Variants in USP6 observed in about 807,000 individuals in gnomAD.
USP6 encodes the protein ubiquitin specific peptidase 6.
In USP6, 128 loss-of-function variants were observed where a neutral mutation model predicts 175.7. That is an observed-to-expected ratio of 0.73 (90% CI 0.63 to 0.84). USP6 has a LOEUF of 0.84. Among genes scored for constraint, USP6 ranks in the 40% least tolerant of loss-of-function variants. The pLI, the probability that USP6 is intolerant of heterozygous loss-of-function variation, is 0.00. For synonymous variants in USP6, 562 were observed against 630.6 expected (o/e 0.89, Z 1.63); for missense variants, 1,498 against 1,760.3 (o/e 0.85, Z 2.67).
At chr17:5,153,363 C>T (rs12603787) in intron 30 of USP6, among the ~76,000 whole-genome samples, 30,107 of 149,960 alleles carry the variant, frequency 0.2, 4,091 homozygotes, top group East Asian at 0.61. Flanking sequence ...CTCAACTCAC[C>T]GCAACCTCCG....
chr17:5,141,638 A>C, intron 23 of USP6, 139 bp downstream of exon 23: 1 of 745,710 alleles, frequency 1.3e-6, no homozygotes, highest in Middle Eastern at 4.0e-4. Flanking sequence ...TTCCTGAAGC[A>C]GCATTTGATG....
At chr17:5,133,404 C>T (rs751895204) in intron 13 of USP6, 39 bp from the exon 14 acceptor site, 1 of 1,576,162 alleles carries the variant, frequency 6.3e-7, no homozygotes, top group Non-Finnish European at 8.7e-7. Context: ...ACTGGGGTCA[C>T]CCCATGGCCT....
At chr17:5,157,272 G>T (rs1472215922) in intron 31 of USP6, among the ~76,000 whole-genome samples, 1 of 152,014 alleles carries the variant, frequency 6.6e-6, no homozygotes, top group Non-Finnish European at 1.5e-5. Flanking sequence ...TTTCAGTACA[G>T]GCAGGGTTTC....
intron 17 of USP6, 98 bp downstream of exon 17, chr17:5,136,026 G>T (rs1598011225): frequency 6.3e-7 from 1 of 1,575,582 alleles, no homozygotes; most frequent in East Asian, 2.3e-5. Flanking sequence ...CACTCCTTGT[G>T]TTGCCAGCTT....
Position 5,139,781 on chromosome 17 carries a change from G to T in USP6, c.1498+107G>T, listed in dbSNP as rs191919310. The T allele has an allele frequency of 4.1e-3, 6,572 of 1,595,452 alleles. 19 individuals carry two copies. Among genetic ancestry groups the T allele is most frequent in the Non-Finnish European group, 5.1e-3 (6,024 of 1,179,152 alleles). On this transcript the variant is annotated intron_variant, in intron 22 of 37. Transcript: ENST00000574788. ...CCGGGATACCTCCTTTGCAGCTAGG[G>T]ACGAGCAGCAGTGCGCTCCCACTTC...
At position 5,170,617 on chromosome 17, in the gene USP6, C is replaced by A; in HGVS notation, c.3656C>A (p.Ser1219Ter). The A allele has an allele frequency of 1.8e-5, 29 of 1,613,538 alleles. No homozygotes were observed. Among genetic ancestry groups the A allele is most frequent in the Non-Finnish European group, 2.4e-5 (28 of 1,179,876 alleles). The part of the protein sequence containing the change: ...LPQIGSKNKP[S>*]SSKKNLDASK... The stretch of plus-strand genomic sequence containing the variant: ...CAGATTGGCAGCAAAAATAAGCCGT[C>A]AAGTAGTAAGAAGAACTTGGATGCC... The change falls in exon 36 of 38, where the codon TCA becomes TAA. Residue 1219 changes from serine (S) to a stop codon, truncating the protein, a stop_gained. Coordinates refer to ENST00000574788, the MANE Select transcript of USP6 (RefSeq NM_001304284.2). LOFTEE classifies it high-confidence loss of function.
At chr17:5,137,463 A>C (rs7221061) in intron 19 of USP6, among the ~76,000 whole-genome samples, 188 bp from the exon 20 acceptor site, 134,958 of 152,238 alleles carry the variant, frequency 0.89, 59,910 homozygotes, top group Admixed American at 0.92. Context: ...GGAGCCACAT[A>C]CCCACTCAAA....
rs201913898 is a variant in USP6 at position 5,152,207 on chromosome 17, A to C, written c.2644-3215A>C. Among the ~76,000 whole-genome samples, 6 of 151,428 alleles carry C rather than the reference A, an allele frequency of 4.0e-5. No individual in the cohort carries two copies. The East Asian group carries it at 9.7e-4, about 25-fold the overall frequency. On this transcript the variant is annotated intron_variant, in intron 30 of 37. Coordinates refer to ENST00000574788, the MANE Select transcript of USP6 (RefSeq NM_001304284.2). ...CAGTGGGCTGAGATTACACCATTGC[A>C]TTCCAGCCTGGGCAACAGAGCGAGA... is the stretch of plus-strand genomic sequence containing the variant.
At chr17:5,137,258 G>A (rs2073285714) in intron 19 of USP6, 72 bp downstream of exon 19, 2 of 1,571,304 alleles carry the variant, frequency 1.3e-6, no homozygotes, top group Admixed American at 3.3e-5. Context: ...CCCAGCCCGG[G>A]GGTCTGGCTC....
rs1487430669 is a variant in USP6 at position 5,145,449 on chromosome 17, T to C, written c.2037T>C (p.Asp679=). The change falls in exon 27 of 38, where the codon GAT becomes GAC. Residue 679 remains aspartate, a synonymous_variant. Transcript: ENST00000574788. The part of the protein sequence containing the change: ...HLRRNRSIIV[D]LFHGQLRSQV... ...GAAGAAATAGATCAATTATTGTGGATTTGTTCCATGGGCAGCTAAGATCTC... is the reference window on the plus strand; with the variant it reads ...GAAGAAATAGATCAATTATTGTGGACTTGTTCCATGGGCAGCTAAGATCTC... 1.2e-6 allele frequency: 2 copies of C among 1,612,546 alleles called. No individual in the cohort carries two copies. The highest frequency in any genetic ancestry group is 1.7e-6 in the Non-Finnish European group (2 of 1,179,378).
intron 33 of USP6, 145 bp from the exon 34 acceptor site, chr17:5,167,787 A>G: frequency 9.9e-7 from 1 of 1,009,044 alleles, no homozygotes; most frequent in South Asian, 2.1e-5. Flanking sequence ...TACAGGCCTG[A>G]GCCATCATAC....
At chr17:5,167,494 C>G (rs1048330243) in intron 33 of USP6, among the ~76,000 whole-genome samples, 1 of 152,040 alleles carries the variant, frequency 6.6e-6, no homozygotes, top group African/African-American at 2.4e-5. Flanking sequence ...TTTGCTCGGA[C>G]TCTAGTTTGG....
At chr17:5,164,495 C>T (rs755839602) in intron 33 of USP6, among the ~76,000 whole-genome samples, 7 of 152,244 alleles carry the variant, frequency 4.6e-5, no homozygotes, top group African/African-American at 1.7e-4. Context: ...ATTATTCTGA[C>T]ATTACTGTCA....
chr17:5,135,712 C>G lies in USP6; in HGVS notation c.544-96C>G, dbSNP rs1372993195. On this transcript the variant is annotated intron_variant, in intron 16 of 37. Transcript: ENST00000574788. Reference sequence around the variant, plus strand: ...AAGCCTCTTCTTCAGAGGAAGCCTCCCCAGTCACCTCTGCCCTCTCCAATG... The same window carrying G: ...AAGCCTCTTCTTCAGAGGAAGCCTCGCCAGTCACCTCTGCCCTCTCCAATG... 12 of 1,593,936 alleles carry G rather than the reference C, an allele frequency of 7.5e-6. No individual in the cohort carries two copies. The Admixed American group carries it at 1.8e-4, about 25-fold the overall frequency.
At chr17:5,135,602 G>A (rs545795181) in intron 16 of USP6, among the ~76,000 whole-genome samples, 3 of 152,148 alleles carry the variant, frequency 2.0e-5, no homozygotes, top group South Asian at 2.1e-4. Context: ...CACGCAGGAC[G>A]GTGCTCTCAG....
chr17:5,144,858 G>T lies in USP6; in HGVS notation c.1987G>T (p.Ala663Ser), dbSNP rs1267258248. Reference protein sequence around the residue: ...SDGRPDWEVAAEAWDNHLRRN... With the variant: ...SDGRPDWEVASEAWDNHLRRN... ...TGGCCGACCAGACTGGGAAGTAGCT[G>T]CAGAGGTTTGTCAGTTTTGAGTTTC... Residue 663 changes from alanine (A) to serine (S), a missense_variant, in exon 26 of 38, where the codon GCA becomes TCA. By Grantham distance (99) the Ala-to-Ser change is moderately conservative. This residue lies in a region of USP6 where 1,217 missense variants were observed against 1,500.8 expected (regional missense o/e 0.81). Transcript: ENST00000574788. 1 of 1,593,576 alleles carries T rather than the reference G, an allele frequency of 6.3e-7. No individual in the cohort carries two copies. Among genetic ancestry groups the T allele is most frequent in the Admixed American group, 1.7e-5 (1 of 58,530 alleles).
chr17:5,122,767 C>T (rs1189774686), intron 4 of USP6, among the ~76,000 whole-genome samples: 1 of 152,248 alleles, frequency 6.6e-6, no homozygotes, highest in Non-Finnish European at 1.5e-5. Flanking sequence ...AAACTTCCCA[C>T]CTCTCAGGTC....
chr17:5,153,931 G>A (rs1435792980), intron 30 of USP6, among the ~76,000 whole-genome samples: 4 of 152,248 alleles, frequency 2.6e-5, no homozygotes, highest in Admixed American at 2.6e-4. Context: ...TGGGATTATA[G>A]GCATGAGCCA....
At chr17:5,160,337 C>G (rs948241763) in intron 31 of USP6, among the ~76,000 whole-genome samples, 1 of 152,126 alleles carries the variant, frequency 6.6e-6, no homozygotes, top group Non-Finnish European at 1.5e-5. Flanking sequence ...GCCAGATGAG[C>G]TGTAAAGTAT....
Sources: gnomAD v4.1 joint callset for allele counts (sites outside exome capture counted in the v4.1 genomes callset) on GRCh38, gnomAD v4.1.1 for gene constraint, gnomAD v4.1.1 regional missense constraint, MANE v1.5 for transcripts, NCBI Gene and HGNC (gene_info 2026-07-23, HGNC 2026-07-21) for gene names.